The following RBFOX1 variants were observed in gnomAD, a reference collection of about 807,000 sequenced individuals.
RBFOX1 encodes the protein RNA binding fox-1 homolog 1.
A neutral mutation model predicts 57.7 loss-of-function variants in RBFOX1; 8 were observed. That is an observed-to-expected ratio of 0.14 (90% CI 0.08 to 0.25). The LOEUF (loss-of-function observed/expected upper bound fraction) is 0.25, where lower values mean the gene tolerates loss of function less well. RBFOX1 is among the 10% of genes least tolerant of loss of function. RBFOX1 has a pLI of 1.00. For missense variants in RBFOX1, 611 were observed against 548.5 expected (o/e 1.11, Z -1.14); for synonymous variants, 326 against 222.4 (o/e 1.47, Z -4.15).
chr16:5,298,008 AATGT>A (rs527896405), intron 1 of RBFOX1, among the ~76,000 whole-genome samples: 1,636 of 152,308 alleles, frequency 0.011, 21 homozygotes, highest in African/African-American at 0.038. Flanking sequence ...AATTGAACAC[AATGT>A]TATTTTCCCA....
intron 3 of RBFOX1, among the ~76,000 whole-genome samples, chr16:7,011,418 G>C (rs888975831): frequency 6.6e-5 from 10 of 152,182 alleles, no homozygotes; most frequent in African/African-American, 2.4e-4. Context: ...TTGTTGCTAT[G>C]TGTTTTTAAA....
intron 4 of RBFOX1, among the ~76,000 whole-genome samples, chr16:7,107,482 T>C (rs1017824608): frequency 5.3e-5 from 8 of 152,156 alleles, no homozygotes; most frequent in Admixed American, 2.0e-4. Context: ...CACAGCTTTA[T>C]TGAGGAAGGA....
intron 4 of RBFOX1, among the ~76,000 whole-genome samples, chr16:7,111,907 G>A (rs2064855625): frequency 6.6e-6 from 1 of 152,108 alleles, no homozygotes; most frequent in South Asian, 2.1e-4. Flanking sequence ...GATTTAGCAT[G>A]TTCTTCAAGT....
At chr16:5,553,854 A>C (rs11646049) in intron 2 of RBFOX1, among the ~76,000 whole-genome samples, 50,925 of 151,912 alleles carry the variant, frequency 0.34, 8,938 homozygotes, top group Admixed American at 0.37. Flanking sequence ...TACATGATTG[A>C]ATTTAATTAT....
At chr16:6,181,863 T>C (rs556198615) in intron 1 of RBFOX1, among the ~76,000 whole-genome samples, 5 of 152,312 alleles carry the variant, frequency 3.3e-5, no homozygotes, top group Admixed American at 1.3e-4. Flanking sequence ...GGTCTCTCTC[T>C]GGTTGTAGGT....
chr16:7,633,272 A>G (rs1453245692), intron 11 of RBFOX1, among the ~76,000 whole-genome samples: 2 of 152,252 alleles, frequency 1.3e-5, no homozygotes, highest in Admixed American at 1.3e-4. Context: ...CAAAGTGGCA[A>G]TATCACTGCA....
chr16:6,919,769 CTT>C (rs57240620), intron 3 of RBFOX1, among the ~76,000 whole-genome samples: 94 of 123,484 alleles, frequency 7.6e-4, no homozygotes, highest in African/African-American at 2.8e-3. Flanking sequence ...TAAGATCATT[CTT>C]TTTTTTTTTT....
intron 3 of RBFOX1, among the ~76,000 whole-genome samples, chr16:7,043,793 T>G (rs1362480252): frequency 6.6e-6 from 1 of 152,224 alleles, no homozygotes; most frequent in African/African-American, 2.4e-5. Flanking sequence ...ACCAGTTCCC[T>G]CTTGCACTTG....
intron 1 of RBFOX1, among the ~76,000 whole-genome samples, chr16:6,050,107 T>C (rs1234176959): frequency 1.3e-5 from 2 of 151,912 alleles, no homozygotes; most frequent in Admixed American, 1.3e-4. Context: ...TGCAGGTGTA[T>C]GCCACGACGC....
chr16:6,937,437 G>C lies in RBFOX1; in HGVS notation c.-15-114620G>C, dbSNP rs56345406. The stretch of plus-strand genomic sequence containing the variant: ...TAGTTTTCTATGTGTTGGCCATTCA[G>C]ATGTCAATGAAAAGAGTCAAACTCT... On this transcript the variant is annotated intron_variant, in intron 3 of 15. Coordinates refer to ENST00000550418, the MANE Select transcript of RBFOX1 (RefSeq NM_018723.4). 9.2e-5 allele frequency among the ~76,000 whole-genome samples: 14 copies of C among 152,172 alleles called. No individual in the cohort carries two copies. In the East Asian group the frequency reaches 1.9e-3, roughly 21 times the overall value.
At chr16:7,113,584 T>A (rs1328087542) in intron 4 of RBFOX1, among the ~76,000 whole-genome samples, 1 of 152,172 alleles carries the variant, frequency 6.6e-6, no homozygotes, top group Non-Finnish European at 1.5e-5. Flanking sequence ...AGCCACATGA[T>A]GAATGTATGC....
intron 2 of RBFOX1, among the ~76,000 whole-genome samples, chr16:6,652,677 C>A (rs903045092): frequency 6.6e-6 from 1 of 151,998 alleles, no homozygotes; most frequent in Admixed American, 6.6e-5. Flanking sequence ...TATGGCATTC[C>A]TAGCCGACTC....
intron 2 of RBFOX1, among the ~76,000 whole-genome samples, chr16:6,518,887 C>T (rs2096445205): frequency 6.6e-6 from 1 of 151,798 alleles, no homozygotes; most frequent in African/African-American, 2.4e-5. Flanking sequence ...CCGTTCTTCC[C>T]TGGAGCTAGC....
chr16:5,274,900 CT>C (rs1467351321), intron 1 of RBFOX1, among the ~76,000 whole-genome samples: 30 of 152,310 alleles, frequency 2.0e-4, no homozygotes, highest in African/African-American at 7.2e-4. Context: ...GCCTCATTAA[CT>C]TCTATTCTGC....
intron 4 of RBFOX1, among the ~76,000 whole-genome samples, chr16:7,333,334 C>G (rs537113932): frequency 3.3e-5 from 5 of 152,282 alleles, no homozygotes; most frequent in Non-Finnish European, 5.9e-5. Context: ...ATTTAACATT[C>G]ATGTCTTAGC....
intron 3 of RBFOX1, among the ~76,000 whole-genome samples, chr16:6,873,284 CAT>C (rs1268364384): frequency 5.3e-5 from 8 of 152,230 alleles, no homozygotes; most frequent in Admixed American, 5.2e-4. Flanking sequence ...GGTCCCAAAG[CAT>C]AACTCTTTTA....
At chr16:7,704,573 T>TA (rs1598534448) in intron 14 of RBFOX1, among the ~76,000 whole-genome samples, 2 of 152,294 alleles carry the variant, frequency 1.3e-5, no homozygotes, top group East Asian at 3.9e-4. Flanking sequence ...GCCTCCTCTC[T>TA]ACCTGCACTG....
At chr16:5,368,018 G>T (rs2151360537) in intron 1 of RBFOX1, among the ~76,000 whole-genome samples, 1 of 152,304 alleles carries the variant, frequency 6.6e-6, no homozygotes, top group African/African-American at 2.4e-5. Flanking sequence ...AAGCAAGGAG[G>T]ATCATTAAGT....
At chr16:7,367,890 A>ACT in intron 4 of RBFOX1, among the ~76,000 whole-genome samples, 1 of 139,466 alleles carries the variant, frequency 7.2e-6, no homozygotes, top group Middle Eastern at 3.8e-3. Flanking sequence ...GTGCATACAC[A>ACT]CACACACACA....
Sources: gnomAD v4.1 joint callset for allele counts (sites outside exome capture counted in the v4.1 genomes callset) on GRCh38, gnomAD v4.1.1 for gene constraint, MANE v1.5 for transcripts, NCBI Gene and HGNC (gene_info 2026-07-23, HGNC 2026-07-21) for gene names.